The following SLC24A2 variants were observed in gnomAD, a reference collection of about 807,000 sequenced individuals.
SLC24A2 encodes the protein solute carrier family 24 member 2.
SLC24A2 carries 36 observed loss-of-function variants against 62.0 expected under a neutral mutation model. The observed-to-expected ratio is 0.58, with a 90% CI of 0.44 to 0.77. SLC24A2 has a LOEUF of 0.77. Among genes scored for constraint, SLC24A2 ranks in the 30% least tolerant of loss-of-function variants. The probability of loss-of-function intolerance (pLI) is 0.00; values close to 1 mark genes in which losing one functional copy is unlikely to be tolerated. For synonymous variants in SLC24A2, 358 were observed against 294.0 expected, an observed-to-expected ratio of 1.22 and a Z score of -2.23; for missense variants, 846 against 817.9, an observed-to-expected ratio of 1.03 and a Z score of -0.42.
chr9:20,300,634 A>C, the SLC24A2 span, among the ~76,000 whole-genome samples: 1 of 152,182 alleles, frequency 6.6e-6, no homozygotes, highest in Non-Finnish European at 1.5e-5. Context: ...TCCCCACCCA[A>C]GAACATTTCC....
At position 19,651,589 on chromosome 9, in the gene SLC24A2, G is replaced by A. The variant is rs556008376; in HGVS notation, c.931-29290C>T. 1.6e-4 allele frequency among the ~76,000 whole-genome samples: 25 copies of A among 152,180 alleles called. No individual in the cohort carries two copies. The East Asian group carries it at 4.2e-3, about 26-fold the overall frequency. Reference sequence around the variant, plus strand: ...ATCAATTTCTTTCTCTCTTTTCCCCGTTTTCTCCCTATAGTGTTAGTCTAT... The same window carrying A: ...ATCAATTTCTTTCTCTCTTTTCCCCATTTTCTCCCTATAGTGTTAGTCTAT... On this transcript the variant is annotated intron_variant, in intron 2 of 10. Coordinates refer to ENST00000341998, the MANE Select transcript of SLC24A2 (RefSeq NM_020344.4).
chr9:19,950,647 C>G, the SLC24A2 span, among the ~76,000 whole-genome samples: 1 of 152,142 alleles, frequency 6.6e-6, no homozygotes, highest in African/African-American at 2.4e-5. Context: ...TTCCTAGGTA[C>G]TTGGGATGTA....
At chr9:19,962,627 T>G in the SLC24A2 span, among the ~76,000 whole-genome samples, 2 of 152,354 alleles carry the variant, frequency 1.3e-5, no homozygotes, top group East Asian at 3.9e-4. Flanking sequence ...TTGAAGCAAT[T>G]GTGAATGGGA....
the SLC24A2 span, among the ~76,000 whole-genome samples, chr9:20,003,760 T>A: frequency 1.3e-5 from 2 of 152,158 alleles, no homozygotes; most frequent in African/African-American, 4.8e-5. Flanking sequence ...GATGTAGCTG[T>A]ATTCCAATAA....
At chr9:20,163,160 G>A in the SLC24A2 span, among the ~76,000 whole-genome samples, 1 of 152,092 alleles carries the variant, frequency 6.6e-6, no homozygotes, top group African/African-American at 2.4e-5. Context: ...GAAACAAAGG[G>A]TATTCAACTA....
At chr9:19,568,418 A>G (rs1327299281) in intron 7 of SLC24A2, among the ~76,000 whole-genome samples, 1 of 152,238 alleles carries the variant, frequency 6.6e-6, no homozygotes, top group Non-Finnish European at 1.5e-5. Flanking sequence ...TACATGGTCT[A>G]CCAATAGACG....
Position 19,669,070 on chromosome 9 carries a change from G to A in SLC24A2, c.931-46771C>T, listed in dbSNP as rs7022459. On this transcript the variant is annotated intron_variant, in intron 2 of 10. Transcript: ENST00000341998. The stretch of plus-strand genomic sequence containing the variant: ...ATCTGATCAGGTATTTGGCTAAATT[G>A]TATTTATATCTTATACGGTATAGTT... Among the ~76,000 whole-genome samples the A allele has an allele frequency of 2.1e-3, 325 of 152,296 alleles. 2 individuals carry two copies. The highest frequency in any genetic ancestry group is 7.7e-3 in the African/African-American group (319 of 41,556).
chr9:19,687,516 A>C (rs1819918783), intron 2 of SLC24A2, among the ~76,000 whole-genome samples: 1 of 152,114 alleles, frequency 6.6e-6, no homozygotes, highest in Admixed American at 6.6e-5. Context: ...GCTATGACGG[A>C]AAATGTTTCC....
chr9:20,037,575 T>C, the SLC24A2 span, among the ~76,000 whole-genome samples: 1 of 152,160 alleles, frequency 6.6e-6, no homozygotes, highest in African/African-American at 2.4e-5. Flanking sequence ...GACAGTAACA[T>C]TCTGGTGGGG....
the SLC24A2 span, among the ~76,000 whole-genome samples, chr9:20,246,233 G>A: frequency 1.3e-5 from 2 of 152,176 alleles, no homozygotes; most frequent in Non-Finnish European, 2.9e-5. Context: ...CAGAGCTGGA[G>A]TTATAGCATC....
At chr9:19,669,675 A>G (rs1353658163) in intron 2 of SLC24A2, among the ~76,000 whole-genome samples, 2 of 152,116 alleles carry the variant, frequency 1.3e-5, no homozygotes, top group Admixed American at 6.5e-5. Context: ...TCTGTCCTCT[A>G]TCTTCAAAAC....
chr9:19,685,270 C>T (rs1458105187), intron 2 of SLC24A2, among the ~76,000 whole-genome samples: 1 of 152,038 alleles, frequency 6.6e-6, no homozygotes, highest in Non-Finnish European at 1.5e-5. Flanking sequence ...ATGACACAAA[C>T]AAATGGAAAA....
At chr9:19,963,506 T>C in the SLC24A2 span, among the ~76,000 whole-genome samples, 1 of 151,454 alleles carries the variant, frequency 6.6e-6, no homozygotes, top group African/African-American at 2.4e-5. Flanking sequence ...TACAATGAAC[T>C]CAAACAAATT....
At chr9:19,591,786 T>C (rs936285949) in intron 5 of SLC24A2, among the ~76,000 whole-genome samples, 5 of 152,212 alleles carry the variant, frequency 3.3e-5, no homozygotes, top group Admixed American at 3.3e-4. Flanking sequence ...CTCGAATTCT[T>C]ACACTTGAGA....
intron 2 of SLC24A2, among the ~76,000 whole-genome samples, chr9:19,634,476 T>C (rs996305231): frequency 2.6e-5 from 4 of 151,928 alleles, no homozygotes; most frequent in Admixed American, 2.0e-4. Context: ...TTAGTAGAGA[T>C]GGGGTTTCTC....
Position 19,560,543 on chromosome 9 carries a change from C to T in SLC24A2, c.1348-10275G>A, listed in dbSNP as rs142239595. On this transcript the variant is annotated intron_variant, in intron 7 of 10. Transcript: ENST00000341998. Reference sequence around the variant, plus strand: ...CGTGAAGACATAATGAGACAGCAGCCATCTGCAAACCAAAACGGAAGCCCT... The same window carrying T: ...CGTGAAGACATAATGAGACAGCAGCTATCTGCAAACCAAAACGGAAGCCCT... 2.8e-4 allele frequency among the ~76,000 whole-genome samples: 43 copies of T among 152,294 alleles called. 1 individual carries two copies. In the East Asian group the frequency reaches 6.0e-3, roughly 21 times the overall value.
chr9:19,984,003 C>G, the SLC24A2 span, among the ~76,000 whole-genome samples: 1 of 152,188 alleles, frequency 6.6e-6, no homozygotes, highest in African/African-American at 2.4e-5. Flanking sequence ...TGCTCCTCAA[C>G]TTACAATGTG....
chr9:19,976,785 A>G, the SLC24A2 span, among the ~76,000 whole-genome samples: 3 of 152,190 alleles, frequency 2.0e-5, no homozygotes, highest in South Asian at 6.2e-4. Context: ...ATATCAAGGG[A>G]CAACTGTACT....
chr9:20,210,637 C>CTTTTTTT, the SLC24A2 span, among the ~76,000 whole-genome samples: 1 of 80,876 alleles, frequency 1.2e-5, no homozygotes, highest in African/African-American at 5.7e-5. Context: ...CAACGCCCGG[C>CTTTTTTT]TTTTTTTTTT....
Sources: gnomAD v4.1 joint callset for allele counts (sites outside exome capture counted in the v4.1 genomes callset) on GRCh38, gnomAD v4.1.1 for gene constraint, MANE v1.5 for transcripts, NCBI Gene and HGNC (gene_info 2026-07-23, HGNC 2026-07-21) for gene names.